The following TPM4 variants were observed in gnomAD, a reference collection of about 807,000 sequenced individuals.
TPM4 encodes tropomyosin 4.
In TPM4, 17 loss-of-function variants were observed where a neutral mutation model predicts 35.8. The ratio of observed to expected loss-of-function variants is 0.47; its 90% CI spans 0.32 to 0.71. TPM4 has a LOEUF of 0.71. Ranked by LOEUF, TPM4 falls within the 30% of genes least tolerant of loss-of-function variation. TPM4 has a pLI of 0.03. For synonymous variants in TPM4, 120 were observed against 122.9 expected (o/e 0.98, Z 0.15); for missense variants, 240 against 320.9 (o/e 0.75, Z 1.93).
chr19:16,082,706 G>A (rs1343857989), intron 2 of TPM4, among the ~76,000 whole-genome samples: 1 of 151,870 alleles, frequency 6.6e-6, no homozygotes, highest in Non-Finnish European at 1.5e-5. Flanking sequence ...CCAAATTTCA[G>A]GTAGGCCGGA....
At chr19:16,082,971 G>A (rs2090502192) in intron 2 of TPM4, among the ~76,000 whole-genome samples, 1 of 126,206 alleles carries the variant, frequency 7.9e-6, no homozygotes, top group African/African-American at 3.0e-5. Context: ...CAGCCTCAGT[G>A]ACAGATGAGA....
chr19:16,082,598 G>A (rs2090496677), intron 2 of TPM4, among the ~76,000 whole-genome samples: 1 of 152,230 alleles, frequency 6.6e-6, no homozygotes, highest in Non-Finnish European at 1.5e-5. Flanking sequence ...GGGCAGATGT[G>A]AGACTGCAAG....
At chr19:16,076,383 T>A, upstream of TPM4, 1 of 1,401,232 alleles carries the variant, frequency 7.1e-7, no homozygotes, top group South Asian at 1.6e-5. Flanking sequence ...GGTGCTGACG[T>A]CGGCGGTCCG....
upstream of TPM4, among the ~76,000 whole-genome samples, chr19:16,073,524 C>A (rs1340992012): frequency 6.6e-6 from 1 of 152,026 alleles, no homozygotes; most frequent in Non-Finnish European, 1.5e-5. Context: ...GGTCGCAGAG[C>A]TTGGATTTGG....
intron 1 of TPM4, 105 bp downstream of exon 1, chr19:16,076,802 G>T: frequency 7.9e-7 from 1 of 1,265,530 alleles, no homozygotes; most frequent in African/African-American, 1.6e-5. Flanking sequence ...TCCTCGGGCC[G>T]CCTTTTTACG....
chr19:16,085,841 G>A (rs1343925108), intron 2 of TPM4, among the ~76,000 whole-genome samples: 4 of 152,024 alleles, frequency 2.6e-5, no homozygotes, highest in African/African-American at 7.2e-5. Context: ...GGTCAAGGCG[G>A]GCAGATCACT....
At chr19:16,075,916 T>A, upstream of TPM4, 3 of 1,331,000 alleles carry the variant, frequency 2.3e-6, no homozygotes, top group Non-Finnish European at 3.0e-6. Context: ...CAACCCCTGT[T>A]CTACAGATAA....
intron 2 of TPM4, among the ~76,000 whole-genome samples, chr19:16,069,501 GTGTA>G: frequency 8.9e-4 from 1 of 1,124 alleles, no homozygotes; most frequent in Non-Finnish European, 1.8e-3. Context: ...GATGGGGTGT[GTGTA>G]TGATTGTGTG....
At position 16,070,881 on chromosome 19, in the gene TPM4, A is replaced by G. The variant is rs1002532588; in HGVS notation, c.114+3143A>G. On this transcript the variant is annotated intron_variant, in intron 2 of 2. Coordinates refer to the TPM4 transcript ENST00000589897. The surrounding 1 kb of genome is among the most constrained non-coding windows in gnomAD (Gnocchi z 7.4). ...CCCTCCCTGGCAAACACAGACATTC[A>G]TCCTGTGCTGGGCCAGCTTCTAGCC... 6.6e-6 allele frequency among the ~76,000 whole-genome samples: 1 copy of G among 152,106 alleles called. No homozygotes were observed. The highest frequency in any genetic ancestry group is 1.5e-5 in the Non-Finnish European group (1 of 68,026).
chr19:16,076,991 G>A (rs2090416986), intron 1 of TPM4: 3 of 405,082 alleles, frequency 7.4e-6, no homozygotes, highest in South Asian at 1.0e-4. Context: ...TCTCCGGGTG[G>A]AGAAGTGGAG....
chr19:16,082,990 CAAA>C (rs1195606325), intron 2 of TPM4, among the ~76,000 whole-genome samples: 686 of 62,834 alleles, frequency 0.011, 1 homozygote, highest in South Asian at 0.039. Flanking sequence ...GATTCTGTCT[CAAA>C]AAAAAAAAAA....
In TPM4 at chr19:16,094,290, T is replaced by G. The variant is rs970094176; in HGVS notation, c.664+537T>G. On this transcript the variant is annotated intron_variant, in intron 7 of 7. Transcript: ENST00000643579. ...GGCTCAAGCCTGTAATCCTAGCACT[T>G]TGGGAGGCCGAGGCGGGCGGATCAC... Among the ~76,000 whole-genome samples, 4 of 152,252 alleles carry G rather than the reference T, an allele frequency of 2.6e-5. No homozygotes were observed. In the South Asian group the frequency reaches 8.3e-4, roughly 32 times the overall value.
At chr19:16,093,983 C>T (rs1352743666) in intron 7 of TPM4, among the ~76,000 whole-genome samples, 2 of 116,146 alleles carry the variant, frequency 1.7e-5, no homozygotes, top group Non-Finnish European at 3.3e-5. Flanking sequence ...TTCTATGAGA[C>T]GGAGTCTGGC....
intron 7 of TPM4, chr19:16,095,607 C>T: frequency 9.9e-7 from 1 of 1,009,394 alleles, no homozygotes; most frequent in Non-Finnish European, 1.2e-6. Context: ...TGGTTAGCCT[C>T]TCTCACTCAC....
At chr19:16,079,376 A>G (rs2090453606) in intron 1 of TPM4, among the ~76,000 whole-genome samples, 2 of 152,232 alleles carry the variant, frequency 1.3e-5, no homozygotes, top group Admixed American at 6.5e-5. Context: ...TTTTTGCAAC[A>G]TCAGTTCCTG....
At chr19:16,095,344 T>G in intron 7 of TPM4, 1 of 1,037,154 alleles carries the variant, frequency 9.6e-7, no homozygotes. Context: ...GACCTCTCTC[T>G]GAGAGGCAGC....
intron 2 of TPM4, among the ~76,000 whole-genome samples, chr19:16,083,464 T>C (rs2090509130): frequency 6.6e-6 from 1 of 152,150 alleles, no homozygotes; most frequent in African/African-American, 2.4e-5. Context: ...ACTGACCACG[T>C]TCCTCACCCG....
chr19:16,094,833 C>A (rs1255202022), intron 7 of TPM4, among the ~76,000 whole-genome samples: 1 of 152,150 alleles, frequency 6.6e-6, no homozygotes, highest in Non-Finnish European at 1.5e-5. Context: ...ACTGCCCATC[C>A]CACCCAGAAA....
In TPM4 at chr19:16,070,160, G is replaced by A. The variant is rs115195975; in HGVS notation, c.114+2422G>A. The stretch of plus-strand genomic sequence containing the variant: ...GGAGGCCGGGGCAGGTGGGCTGCCC[G>A]TGGTGGACGGAGGAGAGGGAGGCCA... On this transcript the variant is annotated intron_variant, in intron 2 of 2. Coordinates refer to the TPM4 transcript ENST00000589897. The surrounding 1 kb of genome is among the most constrained non-coding windows in gnomAD (Gnocchi z 7.4). Among the ~76,000 whole-genome samples the A allele has an allele frequency of 0.022, 3,316 of 152,226 alleles. 108 individuals are homozygous for A. The highest frequency in any genetic ancestry group is 0.076 in the African/African-American group (3,154 of 41,500).
Sources: allele counts gnomAD v4.1 joint callset (sites outside exome capture counted in the v4.1 genomes callset), GRCh38; gene constraint gnomAD v4.1.1; non-coding constraint Gnocchi (gnomAD v3.1); transcripts MANE v1.5; gene names NCBI Gene and HGNC (gene_info 2026-07-23, HGNC 2026-07-21).